NPR1: variants seen among roughly 807,000 people sequenced by gnomAD.
The protein encoded by NPR1 is natriuretic peptide receptor 1.
NPR1 carries 57 observed loss-of-function variants against 116.9 expected under a neutral mutation model. That is an observed-to-expected ratio of 0.49 (90% CI 0.39 to 0.61). The LOEUF is 0.61. Among genes scored for constraint, NPR1 ranks in the 20% least tolerant of loss-of-function variants. NPR1 has a pLI of 0.00. For missense variants in NPR1, 1,096 were observed against 1,409.8 expected (o/e 0.78, Z 3.56); for synonymous variants, 555 against 601.6 (o/e 0.92, Z 1.13).
At chr1:153,691,146 C>A (rs1670099496) in intron 20 of NPR1, among the ~76,000 whole-genome samples, 1 of 152,058 alleles carries the variant, frequency 6.6e-6, no homozygotes, top group Non-Finnish European at 1.5e-5. Flanking sequence ...ATGTGAGAAA[C>A]CCATTAAAAA....
Position 153,693,068 on chromosome 1 carries a change from C to A in NPR1, c.3032-38C>A, listed in dbSNP as rs1242091101. 2.6e-6 allele frequency: 4 copies of A among 1,533,130 alleles called. No homozygotes were observed. The African/African-American group carries it at 4.1e-5, about 16-fold the overall frequency. 95.0% of individuals were successfully genotyped at this position (1,533,130 alleles called of 1,614,324 possible). Reference sequence around the variant, plus strand: ...CCTCTACTTTCCTGCTCTCCTCTCTCACATTGCTCACCTTCCCTTCTCCCC... The same window carrying A: ...CCTCTACTTTCCTGCTCTCCTCTCTAACATTGCTCACCTTCCCTTCTCCCC... On this transcript the variant is annotated intron_variant, in intron 20 of 21. Transcript: ENST00000368680.
At chr1:153,682,231 A>AT (rs374180401) in intron 4 of NPR1, among the ~76,000 whole-genome samples, 3,135 of 150,816 alleles carry the variant, frequency 0.021, 104 homozygotes, top group African/African-American at 0.072. Context: ...AATTTTTTGT[A>AT]TTTTTTTTAG....
At chr1:153,682,356 G>T (rs999760389) in intron 4 of NPR1, 142 bp from the exon 5 acceptor site, 1 of 659,312 alleles carries the variant, frequency 1.5e-6, no homozygotes, top group Non-Finnish European at 2.7e-6. Context: ...CACAGTGCCC[G>T]GCCGTTTTAC....
intron 20 of NPR1, 108 bp downstream of exon 20, chr1:153,690,490 G>T: frequency 1.4e-6 from 1 of 722,312 alleles, no homozygotes; most frequent in South Asian, 1.9e-5. Flanking sequence ...TAGCCCTTTC[G>T]CCTCCCAAGT....
chr1:153,684,895 G>T, intron 7 of NPR1, 69 bp from the exon 8 acceptor site: 2 of 1,596,022 alleles, frequency 1.3e-6, no homozygotes, highest in South Asian at 2.2e-5. Context: ...CTCTGAGGAG[G>T]GGCTGCTGAG....
chr1:153,682,336 A>G (rs1008689285), intron 4 of NPR1, among the ~76,000 whole-genome samples, 162 bp from the exon 5 acceptor site: 9 of 152,152 alleles, frequency 5.9e-5, no homozygotes, highest in African/African-American at 2.2e-4. Flanking sequence ...CTGGGATTAC[A>G]AGCATGAGCC....
At chr1:153,692,742 G>T (rs1374462416) in intron 20 of NPR1, among the ~76,000 whole-genome samples, 1 of 152,024 alleles carries the variant, frequency 6.6e-6, no homozygotes, top group East Asian at 1.9e-4. Context: ...CGAACTCCTG[G>T]CCTCAAGTGA....
chr1:153,686,616 T>A lies in NPR1; in HGVS notation c.1759-30T>A, dbSNP rs543314228. 78 of 1,589,798 alleles carry A rather than the reference T, an allele frequency of 4.9e-5. No individual in the cohort carries two copies. The South Asian group carries it at 8.5e-4, about 17-fold the overall frequency. ...AGCTTGGTGAGGAGCGAGGTCTCTG[T>A]CAAGCTCCTGATGCTGGTCCCACTT... On this transcript the variant is annotated intron_variant, in intron 10 of 21. Transcript: ENST00000368680.
intron 8 of NPR1, 92 bp from the exon 9 acceptor site, chr1:153,685,714 A>C (rs1201144381): frequency 1.0e-6 from 1 of 978,530 alleles, no homozygotes; most frequent in Non-Finnish European, 1.6e-6. Context: ...ATAAGGCAGG[A>C]TAAGGCAGGG....
chr1:153,685,749 T>C (rs1669908310), intron 8 of NPR1, 57 bp from the exon 9 acceptor site: 8 of 1,313,050 alleles, frequency 6.1e-6, no homozygotes, highest in Non-Finnish European at 8.8e-6. Context: ...GCACAAGCAA[T>C]CAGGATGCAG....
chr1:153,679,228 A>G lies in NPR1; in HGVS notation c.120A>G (p.Val40=), dbSNP rs375325568. Residue 40 remains valine, a synonymous_variant, in exon 1 of 22, where the codon GTA becomes GTG. Coordinates refer to ENST00000368680, the MANE Select transcript of NPR1 (RefSeq NM_000906.4). This position sits in a 1 kb window ranked among gnomAD's most constrained non-coding sequence, Gnocchi z 4.2. ...CGGGCAACCTGACGGTAGCCGTGGT[A>G]CTGCCGCTGGCCAATACCTCGTACC... ...SHAGNLTVAV[V]LPLANTSYPW... 3.2e-4 allele frequency: 495 copies of G among 1,524,600 alleles called. 2 individuals carry two copies. In the African/African-American group the frequency reaches 6.6e-3, roughly 20 times the overall value. The allele number at this position is 1,524,600 out of a possible 1,614,324, so 94.4% of individuals were successfully genotyped here.
chr1:153,679,873 C>T lies in NPR1; in HGVS notation c.721+44C>T. On this transcript the variant is annotated intron_variant, in intron 1 of 21. Coordinates refer to ENST00000368680, the MANE Select transcript of NPR1 (RefSeq NM_000906.4). This position sits in a 1 kb window ranked among gnomAD's most constrained non-coding sequence, Gnocchi z 4.2. ...CCGTCCCGCCGCTTAGCCGCAGGGC[C>T]TCCCCTCTGACCTGCCGGAGGCATC... 1 of 1,529,326 alleles carries T rather than the reference C, an allele frequency of 6.5e-7. No homozygotes were observed. The highest frequency in any genetic ancestry group is 8.7e-7 in the Non-Finnish European group (1 of 1,144,478). The allele number at this position is 1,529,326 out of a possible 1,614,324, so 94.7% of individuals were successfully genotyped here.
Position 153,689,745 on chromosome 1 carries a change from C to G in NPR1, c.2758-61C>G. Reference sequence around the variant, plus strand: ...ATGACAGACGCTGCACCCGGTGTGACGGTGTGGCCGGCCGCACAGTTGCAG... The same window carrying G: ...ATGACAGACGCTGCACCCGGTGTGAGGGTGTGGCCGGCCGCACAGTTGCAG... On this transcript the variant is annotated intron_variant, in intron 18 of 21. Coordinates refer to ENST00000368680, the MANE Select transcript of NPR1 (RefSeq NM_000906.4). This position sits in a 1 kb window ranked among gnomAD's most constrained non-coding sequence, Gnocchi z 5.1. The G allele has an allele frequency of 6.9e-7, 1 of 1,448,102 alleles. No individual in the cohort carries two copies. The highest frequency in any genetic ancestry group is 9.3e-7 in the Non-Finnish European group (1 of 1,078,956). The allele number at this position is 1,448,102 out of a possible 1,614,324, so 89.7% of individuals were successfully genotyped here. A position where few individuals can be genotyped will look rare whatever the true frequency, so the allele number is the denominator to read the frequency against.
chr1:153,687,503 G>T, intron 13 of NPR1, 131 bp from the exon 14 acceptor site: 11 of 1,468,256 alleles, frequency 7.5e-6, no homozygotes, highest in Non-Finnish European at 1.0e-5. Flanking sequence ...CAGACGAAGT[G>T]GTTTCTAAGG....
intron 15 of NPR1, 58 bp downstream of exon 15, chr1:153,688,279 A>C: frequency 6.4e-7 from 1 of 1,564,126 alleles, no homozygotes; most frequent in Non-Finnish European, 8.7e-7. Context: ...CCATTTACCT[A>C]ATGCTTCTGG....
intron 10 of NPR1, 86 bp downstream of exon 10, chr1:153,686,286 A>G: frequency 7.9e-7 from 1 of 1,272,058 alleles, no homozygotes; most frequent in Non-Finnish European, 1.1e-6. Context: ...TTATGGAGGG[A>G]CCTCAGGGTA....
In NPR1 at chr1:153,683,521, C is replaced by T. The variant is rs1669842143; in HGVS notation, c.1399+10C>T. ...CCAGCATGCAACCAAGGTGACTGCC[C>T]CTTGCCTTCCAGGCCTCCATCCCAG... On this transcript the variant is annotated intron_variant, in intron 6 of 21. Coordinates refer to ENST00000368680, the MANE Select transcript of NPR1 (RefSeq NM_000906.4). 6.2e-7 allele frequency: 1 copy of T among 1,613,874 alleles called. No individual in the cohort carries two copies. The highest frequency in any genetic ancestry group is 8.5e-7 in the Non-Finnish European group (1 of 1,179,848).
At chr1:153,692,087 G>C (rs950710613) in intron 20 of NPR1, among the ~76,000 whole-genome samples, 2 of 151,920 alleles carry the variant, frequency 1.3e-5, no homozygotes, top group Non-Finnish European at 1.5e-5. Flanking sequence ...TCAGTTCCTC[G>C]GCCACAAAAT....
chr1:153,681,512 T>C, intron 3 of NPR1, 192 bp from the exon 4 acceptor site: 1 of 665,508 alleles, frequency 1.5e-6, no homozygotes. Flanking sequence ...CTGCCCTGTC[T>C]ACCTAGTAGG....
Sources: gnomAD v4.1 joint callset for allele counts (sites outside exome capture counted in the v4.1 genomes callset) on GRCh38, gnomAD v4.1.1 for gene constraint, Gnocchi (gnomAD v3.1) non-coding constraint, MANE v1.5 for transcripts, NCBI Gene and HGNC (gene_info 2026-07-23, HGNC 2026-07-21) for gene names.